ALCAM: variants seen among roughly 807,000 people sequenced by gnomAD.
ALCAM encodes CD166 antigen.
A neutral mutation model predicts 70.9 loss-of-function variants in ALCAM; 30 were observed. The observed-to-expected ratio is 0.42, with a 90% CI of 0.32 to 0.57. The LOEUF is 0.57. Among genes scored for constraint, ALCAM ranks in the 20% least tolerant of loss-of-function variants. The pLI is 0.11. For synonymous variants in ALCAM, 249 were observed against 242.5 expected, an observed-to-expected ratio of 1.03 and a Z score of -0.25; for missense variants, 591 against 695.1, an observed-to-expected ratio of 0.85 and a Z score of 1.68.
chr3:105,414,392 G>A (rs554245468), intron 1 of ALCAM, among the ~76,000 whole-genome samples: 1 of 152,122 alleles, frequency 6.6e-6, no homozygotes, highest in Non-Finnish European at 1.5e-5. Flanking sequence ...TTCAGCCTGG[G>A]TAACAGAGCA....
intron 3 of ALCAM, among the ~76,000 whole-genome samples, chr3:105,526,460 C>T (rs968864429): frequency 2.0e-5 from 3 of 152,048 alleles, no homozygotes; most frequent in African/African-American, 7.2e-5. Flanking sequence ...AACAAACTCA[C>T]ACCCCACCTA....
intron 14 of ALCAM, among the ~76,000 whole-genome samples, chr3:105,567,400 T>C (rs1469022140): frequency 1.3e-5 from 2 of 152,144 alleles, no homozygotes; most frequent in Non-Finnish European, 1.5e-5. Flanking sequence ...GCCTGCTCAC[T>C]ATCATCTCAC....
chr3:105,517,761 T>C (rs927658773), intron 1 of ALCAM, among the ~76,000 whole-genome samples: 2 of 152,112 alleles, frequency 1.3e-5, no homozygotes, highest in Non-Finnish European at 2.9e-5. Flanking sequence ...ATGAATGGCT[T>C]TAGAGTATGT....
At chr3:105,408,854 G>GA (rs565359782) in intron 1 of ALCAM, among the ~76,000 whole-genome samples, 8,692 of 151,280 alleles carry the variant, frequency 0.057, 313 homozygotes, top group Middle Eastern at 0.089. Flanking sequence ...AAATCAGCAA[G>GA]AAAAAAAACA....
intron 1 of ALCAM, among the ~76,000 whole-genome samples, chr3:105,396,131 A>G (rs1240605486): frequency 6.6e-6 from 1 of 152,052 alleles, no homozygotes; most frequent in Non-Finnish European, 1.5e-5. Context: ...GCTTAATTAA[A>G]TTAATATTTA....
rs980287629 is a variant in ALCAM, at chr3:105,386,491, G to A, written c.73+19010G>A. 3.3e-5 allele frequency among the ~76,000 whole-genome samples: 5 copies of A among 151,604 alleles called. No homozygotes were observed. The East Asian group carries it at 9.7e-4, about 29-fold the overall frequency. ...TTGTAGACATTACCCTAAATGTCTA[G>A]TGTGTGCAAATGTTTCTCTATACCC... On this transcript the variant is annotated intron_variant, in intron 1 of 15. Transcript: ENST00000306107.
At chr3:105,457,553 T>TA (rs1189944251) in intron 1 of ALCAM, among the ~76,000 whole-genome samples, 2,356 of 149,296 alleles carry the variant, frequency 0.016, 24 homozygotes, top group Middle Eastern at 0.048. Context: ...ACCTAAAAGT[T>TA]AAAAAAAAAA....
intron 1 of ALCAM, among the ~76,000 whole-genome samples, chr3:105,517,695 A>T (rs1576215772): frequency 6.6e-6 from 1 of 152,254 alleles, no homozygotes; most frequent in East Asian, 1.9e-4. Flanking sequence ...TCTCCTCAAG[A>T]CAGAGCTTGC....
chr3:105,376,236 T>G (rs189735717), intron 1 of ALCAM, among the ~76,000 whole-genome samples: 1 of 152,288 alleles, frequency 6.6e-6, no homozygotes, highest in Admixed American at 6.5e-5. Context: ...TTTGATGTTC[T>G]TTTTGTTTAG....
intron 9 of ALCAM, 57 bp downstream of exon 9, chr3:105,545,392 T>C: frequency 8.3e-7 from 1 of 1,211,660 alleles, no homozygotes; most frequent in Non-Finnish European, 1.2e-6. Context: ...TTTAGGTTTC[T>C]TATGCACTTT....
intron 6 of ALCAM, 81 bp from the exon 7 acceptor site, chr3:105,539,894 T>C (rs1405765887): frequency 1.4e-6 from 2 of 1,414,980 alleles, no homozygotes; most frequent in South Asian, 1.4e-5. Context: ...AAATTATGTA[T>C]AATTTAGTCA....
At chr3:105,411,597 C>G (rs182535421) in intron 1 of ALCAM, among the ~76,000 whole-genome samples, 3 of 152,052 alleles carry the variant, frequency 2.0e-5, no homozygotes, top group Non-Finnish European at 4.4e-5. Context: ...CTTTGTAACA[C>G]GGGTAATTCC....
At chr3:105,376,757 A>G (rs532324585) in intron 1 of ALCAM, among the ~76,000 whole-genome samples, 1 of 152,350 alleles carries the variant, frequency 6.6e-6, no homozygotes, top group South Asian at 2.1e-4. Context: ...AGGAAGTGAT[A>G]TCTGAGCTAC....
intron 1 of ALCAM, among the ~76,000 whole-genome samples, chr3:105,432,984 A>G (rs1413689769): frequency 6.6e-6 from 1 of 152,192 alleles, no homozygotes; most frequent in African/African-American, 2.4e-5. Flanking sequence ...TTTCAGGTAT[A>G]TTAAGCTGGA....
At chr3:105,510,456 T>C (rs766553714) in intron 1 of ALCAM, among the ~76,000 whole-genome samples, 5 of 152,114 alleles carry the variant, frequency 3.3e-5, no homozygotes, top group East Asian at 1.9e-4. Flanking sequence ...TTCCCAGCAG[T>C]TGGAGATCTA....
intron 14 of ALCAM, among the ~76,000 whole-genome samples, chr3:105,567,371 T>C (rs1034048362): frequency 6.6e-6 from 1 of 152,154 alleles, no homozygotes; most frequent in African/African-American, 2.4e-5. Context: ...TTCAAATACA[T>C]GTATGTCAGC....
At chr3:105,501,299 T>A (rs558384348) in intron 1 of ALCAM, among the ~76,000 whole-genome samples, 1 of 152,322 alleles carries the variant, frequency 6.6e-6, no homozygotes. Flanking sequence ...GGCAAGTCGG[T>A]TGAAACAGTT....
chr3:105,484,957 G>A (rs1370570527), intron 1 of ALCAM, among the ~76,000 whole-genome samples: 2 of 151,716 alleles, frequency 1.3e-5, no homozygotes, highest in East Asian at 1.9e-4. Flanking sequence ...TTTTGGTGGG[G>A]GATAGGAAAT....
At position 105,570,937 on chromosome 3, in the gene ALCAM, AAAGG is replaced by A. The variant is rs368520921; in HGVS notation, c.1665-906_1665-903del. Among the ~76,000 whole-genome samples the A allele has an allele frequency of 2.5e-3, 374 of 152,064 alleles. 1 individual carries two copies. Among genetic ancestry groups the A allele is most frequent in the African/African-American group, 8.7e-3 (362 of 41,488 alleles). On this transcript the variant is annotated intron_variant, in intron 14 of 15. Coordinates refer to ENST00000306107, the MANE Select transcript of ALCAM (RefSeq NM_001627.4). The stretch of plus-strand genomic sequence containing the variant: ...GTCTCTTATTCTGGATGCTGGGAGG[AAAGG>A]AAGGAAGGGAGGGAGGGAAGGTGGA...
Sources: allele counts gnomAD v4.1 joint callset (sites outside exome capture counted in the v4.1 genomes callset), GRCh38; gene constraint gnomAD v4.1.1; transcripts MANE v1.5; gene names NCBI Gene and HGNC (gene_info 2026-07-23, HGNC 2026-07-21).